Variants in CSMD1 observed in about 807,000 individuals in gnomAD.
The protein encoded by CSMD1 is CUB and Sushi multiple domains 1, also known as CUB and sushi domain-containing protein 1.
Under a neutral mutation model 417.5 loss-of-function variants are expected in CSMD1, and 213 were observed. The observed-to-expected ratio is 0.51, with a 90% confidence interval of 0.46 to 0.57. The LOEUF (loss-of-function observed/expected upper bound fraction) is 0.57, where lower values mean the gene tolerates loss of function less well. Ranked by LOEUF, CSMD1 falls within the 20% of genes least tolerant of loss-of-function variation. The pLI is 0.00. For synonymous variants in CSMD1, 2,862 were observed against 1,736.8 expected (o/e 1.65, Z -16.11); for missense variants, 6,923 against 4,529.7 (o/e 1.53, Z -15.17).
At chr8:3,325,270 C>A (rs190889179) in intron 23 of CSMD1, among the ~76,000 whole-genome samples, 54 of 152,204 alleles carry the variant, frequency 3.5e-4, no homozygotes, top group Non-Finnish European at 7.2e-4. Context: ...CTGACTAATA[C>A]AATCACAATC....
intron 2 of CSMD1, among the ~76,000 whole-genome samples, chr8:4,421,781 A>T (rs1434927016): frequency 4.6e-5 from 7 of 151,954 alleles, no homozygotes. Context: ...ATAAAAGAAA[A>T]AAACAAAAAA....
intron 10 of CSMD1, among the ~76,000 whole-genome samples, chr8:3,553,528 T>A (rs145739841): frequency 6.6e-6 from 1 of 152,218 alleles, no homozygotes; most frequent in Non-Finnish European, 1.5e-5. Flanking sequence ...AGAAGCAGGA[T>A]TGCTGCCGTG....
chr8:3,567,118 C>T (rs1228058738), intron 10 of CSMD1, among the ~76,000 whole-genome samples: 4 of 152,106 alleles, frequency 2.6e-5, no homozygotes, highest in African/African-American at 9.7e-5. Context: ...AGATTTTGTC[C>T]TTTGCAGGGG....
chr8:3,369,230 T>G, intron 19 of CSMD1, 24 bp downstream of exon 19: 1 of 1,149,018 alleles, frequency 8.7e-7, no homozygotes, highest in Middle Eastern at 1.9e-4. Context: ...GTCTGTATGT[T>G]TGAGACCTAT....
intron 3 of CSMD1, among the ~76,000 whole-genome samples, chr8:4,134,560 T>A (rs1024179740): frequency 6.6e-6 from 1 of 152,204 alleles, no homozygotes; most frequent in Admixed American, 6.5e-5. Flanking sequence ...CTGTGGCACA[T>A]TGTTATGGCA....
At chr8:3,375,156 G>A (rs558174637) in intron 18 of CSMD1, 87 of 152,276 alleles carry the variant, frequency 5.7e-4, no homozygotes, top group African/African-American at 2.1e-3. Context: ...CTCCAACTGT[G>A]TTGAACTTCC....
chr8:3,491,659 G>C (rs917155797), intron 11 of CSMD1, among the ~76,000 whole-genome samples: 3 of 152,180 alleles, frequency 2.0e-5, no homozygotes, highest in African/African-American at 4.8e-5. Flanking sequence ...CGATTTTTAA[G>C]GGAATATACA....
At chr8:3,909,472 G>C (rs562424654) in intron 5 of CSMD1, among the ~76,000 whole-genome samples, 3 of 152,158 alleles carry the variant, frequency 2.0e-5, no homozygotes, top group Non-Finnish European at 4.4e-5. Context: ...TGAGACAGCA[G>C]TGCGGAAATA....
chr8:4,665,051 T>C (rs1029125315), intron 1 of CSMD1, among the ~76,000 whole-genome samples: 3 of 152,222 alleles, frequency 2.0e-5, no homozygotes, highest in Admixed American at 2.0e-4. Context: ...TAATTATTAA[T>C]TTGCAGAAAA....
In CSMD1 at chr8:3,926,082, TACACACACACACACAC is replaced by T. The variant is rs58966907; in HGVS notation, c.818+71805_818+71820del. ...CACACACACACACACACAAACACCA[TACACACACACACACAC>T]ACACACACACACACACACACACACA... On this transcript the variant is annotated intron_variant, in intron 5 of 69. Coordinates refer to ENST00000635120, the MANE Select transcript of CSMD1 (RefSeq NM_033225.6). Among the ~76,000 whole-genome samples, 396 of 103,982 alleles carry T rather than the reference TACACACACACACACAC, an allele frequency of 3.8e-3. 10 individuals are homozygous for T. The highest frequency in any genetic ancestry group is 0.012 in the African/African-American group (346 of 28,330). 68.2% of individuals were successfully genotyped at this position (103,982 alleles called of 152,430 possible).
rs879809420 is a variant in CSMD1 at position 4,355,414 on chromosome 8, G to C, written c.415+64539C>G. 3.9e-5 allele frequency among the ~76,000 whole-genome samples: 6 copies of C among 151,964 alleles called. No individual in the cohort carries two copies. The South Asian group carries it at 8.3e-4, about 21-fold the overall frequency. On this transcript the variant is annotated intron_variant, in intron 3 of 69. Transcript: ENST00000635120. ...TAAGAGTGTTCTTAACAGAAGTAGC[G>C]AATTCAGGTATCTTCTTTATGTGTT... is the stretch of plus-strand genomic sequence containing the variant.
At chr8:3,178,758 G>A (rs1821100871) in intron 37 of CSMD1, among the ~76,000 whole-genome samples, 2 of 151,810 alleles carry the variant, frequency 1.3e-5, no homozygotes, top group Non-Finnish European at 1.5e-5. Context: ...TTATTTCATG[G>A]ACATAAAATA....
intron 4 of CSMD1, among the ~76,000 whole-genome samples, chr8:4,008,868 C>T (rs753093345): frequency 2.0e-5 from 3 of 151,960 alleles, no homozygotes; most frequent in Admixed American, 6.6e-5. Context: ...CCTCGGCCTC[C>T]CAAAGTGCTG....
intron 5 of CSMD1, among the ~76,000 whole-genome samples, chr8:3,835,248 G>C (rs1245077839): frequency 6.6e-6 from 1 of 151,674 alleles, no homozygotes; most frequent in Admixed American, 6.6e-5. Flanking sequence ...AAATCATGCT[G>C]CTATAAAGAC....
chr8:4,489,050 A>G (rs1801565799), intron 2 of CSMD1, among the ~76,000 whole-genome samples: 1 of 152,198 alleles, frequency 6.6e-6, no homozygotes, highest in African/African-American at 2.4e-5. Flanking sequence ...AGCTGGGAAT[A>G]CAGGTGCGTG....
chr8:4,075,998 G>C (rs990541062), intron 3 of CSMD1, among the ~76,000 whole-genome samples: 7 of 152,152 alleles, frequency 4.6e-5, no homozygotes, highest in African/African-American at 1.7e-4. Context: ...CTCTGGGAGG[G>C]TGGAGGGGGG....
chr8:3,247,524 G>C (rs1799960634), intron 26 of CSMD1, among the ~76,000 whole-genome samples: 1 of 152,208 alleles, frequency 6.6e-6, no homozygotes, highest in African/African-American at 2.4e-5. Context: ...TACGAGGCAA[G>C]CTCAGGTCCA....
chr8:4,474,659 A>G (rs1341506095), intron 2 of CSMD1, among the ~76,000 whole-genome samples: 1 of 152,164 alleles, frequency 6.6e-6, no homozygotes, highest in Non-Finnish European at 1.5e-5. Context: ...ACTCTTACAC[A>G]GTTGACGTTG....
chr8:4,568,555 A>G (rs985686203), intron 2 of CSMD1, among the ~76,000 whole-genome samples: 1 of 152,130 alleles, frequency 6.6e-6, no homozygotes, highest in Non-Finnish European at 1.5e-5. Flanking sequence ...AGGTTTTTCT[A>G]TACTAAATGG....
Sources: allele counts gnomAD v4.1 joint callset (sites outside exome capture counted in the v4.1 genomes callset), GRCh38; gene constraint gnomAD v4.1.1; transcripts MANE v1.5; gene names NCBI Gene and HGNC (gene_info 2026-07-23, HGNC 2026-07-21).